Variants in TSC22D1 observed in about 807,000 individuals in gnomAD.
TSC22D1 encodes TSC22 domain family member 1.
Under a neutral mutation model 74.2 loss-of-function variants are expected in TSC22D1, and 9 were observed. That is an observed-to-expected ratio of 0.12 (90% confidence interval 0.07 to 0.21). TSC22D1 has a LOEUF of 0.21. Among genes scored for constraint, TSC22D1 ranks in the 10% least tolerant of loss-of-function variants. The probability of loss-of-function intolerance (pLI) is 1.00; values close to 1 mark genes in which losing one functional copy is unlikely to be tolerated. For missense variants in TSC22D1, 1,427 were observed against 1,304.7 expected (o/e 1.09, Z -1.44); for synonymous variants, 586 against 492.5 (o/e 1.19, Z -2.51).
At chr13:44,547,144 T>C (rs1335296824) in intron 1 of TSC22D1, among the ~76,000 whole-genome samples, 1 of 152,072 alleles carries the variant, frequency 6.6e-6, no homozygotes, top group Non-Finnish European at 1.5e-5. Flanking sequence ...ACATCCTGAA[T>C]ATGGTTCCAT....
chr13:44,460,301 A>G (rs1876929494), intron 1 of TSC22D1, among the ~76,000 whole-genome samples: 2 of 152,170 alleles, frequency 1.3e-5, no homozygotes, highest in African/African-American at 4.8e-5. Flanking sequence ...CCTAATATAA[A>G]AAGTATTATT....
chr13:44,514,348 G>A (rs1370246095), intron 1 of TSC22D1, among the ~76,000 whole-genome samples: 1 of 151,216 alleles, frequency 6.6e-6, no homozygotes, highest in Non-Finnish European at 1.5e-5. Flanking sequence ...GTCATAAAAG[G>A]AAACTTTGAT....
At chr13:44,465,386 C>T (rs934964293) in intron 1 of TSC22D1, among the ~76,000 whole-genome samples, 2 of 152,170 alleles carry the variant, frequency 1.3e-5, no homozygotes, top group Non-Finnish European at 2.9e-5. Context: ...TGGGGGGACA[C>T]GAGCATGACA....
intron 1 of TSC22D1, among the ~76,000 whole-genome samples, chr13:44,569,319 C>T (rs1369456823): frequency 3.3e-5 from 5 of 152,022 alleles, no homozygotes; most frequent in Non-Finnish European, 7.4e-5. Context: ...GGCTATATTA[C>T]ATATCTAGTG....
intron 1 of TSC22D1, among the ~76,000 whole-genome samples, chr13:44,503,543 A>C (rs1879309114): frequency 6.6e-6 from 1 of 152,242 alleles, no homozygotes; most frequent in South Asian, 2.1e-4. Context: ...TTTGTAAATC[A>C]TCCAGTTGTC....
At chr13:44,547,613 G>C (rs1160761766) in intron 1 of TSC22D1, among the ~76,000 whole-genome samples, 1 of 152,118 alleles carries the variant, frequency 6.6e-6, no homozygotes, top group Non-Finnish European at 1.5e-5. Context: ...AGGAAATAGA[G>C]TTTAGTGCCA....
intron 1 of TSC22D1, among the ~76,000 whole-genome samples, chr13:44,495,289 G>T (rs1878914826): frequency 7.1e-6 from 1 of 140,380 alleles, no homozygotes; most frequent in South Asian, 2.3e-4. Context: ...TATTTAAAAT[G>T]CTAAGGAAAA....
intron 1 of TSC22D1, among the ~76,000 whole-genome samples, chr13:44,512,956 C>A (rs115024292): frequency 6.6e-6 from 1 of 152,170 alleles, no homozygotes. Flanking sequence ...CCTCTTCATT[C>A]TTATCTCTAA....
intron 1 of TSC22D1, among the ~76,000 whole-genome samples, chr13:44,554,630 C>CAAAAAAAAAAAAAAAAA (rs59922380): frequency 1.5e-5 from 1 of 68,616 alleles, no homozygotes; most frequent in African/African-American, 4.7e-5. Context: ...ATACCAGGAA[C>CAAAAAAAAAAAAAAAAA]AAAAAAAAAA....
chr13:44,574,600 G>A lies in TSC22D1; in HGVS notation c.1475C>T (p.Pro492Leu), dbSNP rs752129765. 4 of 1,613,968 alleles carry A rather than the reference G, an allele frequency of 2.5e-6. No individual in the cohort carries two copies. The highest frequency in any genetic ancestry group is 2.2e-5 in the East Asian group (1 of 44,872). The change falls in exon 1 of 3, where the codon CCT becomes CTT. Residue 492 changes from proline (P) to leucine (L), a missense_variant. Transcript: ENST00000458659. ...ESVGSGEMGAPTVVVQQQQQQ... is the reference protein window; with the variant it reads ...ESVGSGEMGALTVVVQQQQQQ... The stretch of plus-strand genomic sequence containing the variant: ...CTGCTGCTGCTGCACCACCACAGTA[G>A]GGGCTCCCATCTCTCCACTTCCCAC...
chr13:44,519,404 C>T (rs1440286706), intron 1 of TSC22D1, among the ~76,000 whole-genome samples: 2 of 152,108 alleles, frequency 1.3e-5, no homozygotes, highest in Non-Finnish European at 2.9e-5. Context: ...ATTTTAGCTA[C>T]AGGGAGAAAT....
intron 1 of TSC22D1, among the ~76,000 whole-genome samples, chr13:44,463,969 C>T (rs117397767): frequency 0.01 from 1,572 of 152,246 alleles, 14 homozygotes; most frequent in Non-Finnish European, 0.016. Context: ...GCTTGCCAGC[C>T]ATGTGAGTGA....
At chr13:44,524,552 G>A (rs1458849599) in intron 1 of TSC22D1, among the ~76,000 whole-genome samples, 1 of 151,738 alleles carries the variant, frequency 6.6e-6, no homozygotes, top group Non-Finnish European at 1.5e-5. Context: ...GATTTTTTTT[G>A]TTTGTTTGTT....
chr13:44,562,536 T>C (rs1191565456), intron 1 of TSC22D1, among the ~76,000 whole-genome samples: 1 of 152,124 alleles, frequency 6.6e-6, no homozygotes, highest in African/African-American at 2.4e-5. Flanking sequence ...ACATTTTAAA[T>C]AATTTAAGAT....
chr13:44,498,045 C>T (rs1421084693), intron 1 of TSC22D1, among the ~76,000 whole-genome samples: 1 of 151,266 alleles, frequency 6.6e-6, no homozygotes, highest in African/African-American at 2.4e-5. Flanking sequence ...TGTAGTCTTC[C>T]TACTTCCAAG....
chr13:44,475,801 T>A (rs1230474484), intron 1 of TSC22D1, among the ~76,000 whole-genome samples: 2 of 152,060 alleles, frequency 1.3e-5, no homozygotes, highest in Non-Finnish European at 1.5e-5. Context: ...GTGAAAAATA[T>A]TTCCTCAAAT....
chr13:44,517,857 A>ATATT lies in TSC22D1; in HGVS notation c.2912+55305_2912+55306insAATA, dbSNP rs10627677. 1.4e-3 allele frequency among the ~76,000 whole-genome samples: 23 copies of ATATT among 16,174 alleles called. 1 individual carries two copies. Among genetic ancestry groups the ATATT allele is most frequent in the African/African-American group, 2.2e-3 (12 of 5,490 alleles). The allele number at this position is 16,174 out of a possible 152,430, so 10.6% of individuals were successfully genotyped here. A position where few individuals can be genotyped will look rare whatever the true frequency, so the allele number is the denominator to read the frequency against. ...TATATATATATATATATATATATAT[A>ATATT]TTTTTTTTTTTTTTTTTTTTTTAAC... On this transcript the variant is annotated intron_variant, in intron 1 of 2. Transcript: ENST00000458659.
intron 1 of TSC22D1, among the ~76,000 whole-genome samples, chr13:44,499,207 T>C (rs1194455632): frequency 6.6e-6 from 1 of 152,198 alleles, no homozygotes; most frequent in Non-Finnish European, 1.5e-5. Flanking sequence ...TGGTTGGCAT[T>C]AGATAATATG....
At chr13:44,553,353 T>C (rs1333758835) in intron 1 of TSC22D1, among the ~76,000 whole-genome samples, 1 of 152,204 alleles carries the variant, frequency 6.6e-6, no homozygotes, top group Non-Finnish European at 1.5e-5. Flanking sequence ...CTATTTTTTT[T>C]TTTCACTTTT....
Sources: gnomAD v4.1 joint callset for allele counts (sites outside exome capture counted in the v4.1 genomes callset) on GRCh38, gnomAD v4.1.1 for gene constraint, MANE v1.5 for transcripts, NCBI Gene and HGNC (gene_info 2026-07-23, HGNC 2026-07-21) for gene names.